PRKAG2: variants seen among roughly 807,000 people sequenced by gnomAD.
PRKAG2 encodes the protein protein kinase AMP-activated non-catalytic subunit gamma 2.
In PRKAG2, 26 loss-of-function variants were observed where a neutral mutation model predicts 69.6. That is an observed-to-expected ratio of 0.37 (90% CI 0.27 to 0.52). PRKAG2 has a LOEUF of 0.52. Among genes scored for constraint, PRKAG2 ranks in the 20% least tolerant of loss-of-function variants. The probability of loss-of-function intolerance (pLI) is 0.90; values close to 1 mark genes in which losing one functional copy is unlikely to be tolerated. For synonymous variants in PRKAG2, 293 were observed against 285.0 expected (o/e 1.03, Z -0.28); for missense variants, 557 against 740.0 (o/e 0.75, Z 2.87).
chr7:151,763,077 C>G (rs2151761385), intron 3 of PRKAG2, among the ~76,000 whole-genome samples: 1 of 152,332 alleles, frequency 6.6e-6, no homozygotes, highest in Admixed American at 6.5e-5. Context: ...ACGTGCTTCT[C>G]CCACCTTACA....
Position 151,751,219 on chromosome 7 carries a change from T to C in PRKAG2, c.466+29933A>G, listed in dbSNP as rs148361683. Among the ~76,000 whole-genome samples the C allele has an allele frequency of 2.5e-3, 372 of 151,216 alleles. 1 individual carries two copies. Among genetic ancestry groups the C allele is most frequent in the African/African-American group, 8.6e-3 (356 of 41,294 alleles). On this transcript the variant is annotated intron_variant, in intron 3 of 15. Coordinates refer to ENST00000287878, the MANE Select transcript of PRKAG2 (RefSeq NM_016203.4). ...TTCATGCTATTCTCCTGCCTCAGCC[T>C]CCCAAGTAGCTGGGACTACAGGTGC...
chr7:151,568,568 G>A, intron 11 of PRKAG2, 148 bp downstream of exon 11: 1 of 773,964 alleles, frequency 1.3e-6, no homozygotes, highest in South Asian at 1.6e-5. Context: ...AATTCAGAGA[G>A]TAGTAAGTTG....
chr7:151,710,478 G>A (rs982773468), intron 3 of PRKAG2, among the ~76,000 whole-genome samples: 7 of 152,184 alleles, frequency 4.6e-5, no homozygotes, highest in African/African-American at 1.7e-4. Flanking sequence ...TCCTCTGCTC[G>A]AAGCTCTGCG....
rs144877559 is a variant in PRKAG2 at position 151,731,041 on chromosome 7, C to T, written c.466+50111G>A. ...TGGCCTCAGAAATGAGCCCTTAAGACGCTAAATGGTTTTTATTTAATTACT... is the reference window on the plus strand; with the variant it reads ...TGGCCTCAGAAATGAGCCCTTAAGATGCTAAATGGTTTTTATTTAATTACT... On this transcript the variant is annotated intron_variant, in intron 3 of 15. Transcript: ENST00000287878. Among the ~76,000 whole-genome samples, 362 of 152,276 alleles carry T rather than the reference C, an allele frequency of 2.4e-3. 3 individuals carry two copies. Among genetic ancestry groups the T allele is most frequent in the African/African-American group, 8.3e-3 (343 of 41,532 alleles).
chr7:151,621,078 A>G (rs1052267124), intron 5 of PRKAG2, among the ~76,000 whole-genome samples: 41 of 152,316 alleles, frequency 2.7e-4, no homozygotes, highest in Admixed American at 5.9e-4. Flanking sequence ...CTTGACCACA[A>G]TATATTCGGC....
chr7:151,809,301 G>T, intron 1 of PRKAG2: 1 of 456,148 alleles, frequency 2.2e-6, no homozygotes, highest in South Asian at 1.6e-5. Flanking sequence ...CCCCGAGACG[G>T]GTGCAGAATC....
At chr7:151,628,955 A>G (rs1443267118) in intron 5 of PRKAG2, among the ~76,000 whole-genome samples, 2 of 152,156 alleles carry the variant, frequency 1.3e-5, no homozygotes, top group Non-Finnish European at 2.9e-5. Context: ...TTGAAGTCTT[A>G]CTAAGATCGG....
chr7:151,653,708 G>A (rs1347699840), intron 4 of PRKAG2, among the ~76,000 whole-genome samples: 1 of 152,154 alleles, frequency 6.6e-6, no homozygotes, highest in African/African-American at 2.4e-5. Context: ...CAAGCATGGT[G>A]ACGGATGCCT....
intron 4 of PRKAG2, among the ~76,000 whole-genome samples, chr7:151,672,953 C>T (rs1426807718): frequency 6.6e-6 from 1 of 152,130 alleles, no homozygotes; most frequent in Non-Finnish European, 1.5e-5. Flanking sequence ...CCTGGAAGGA[C>T]CTATACTTGT....
rs1320039614 is a variant in PRKAG2, at chr7:151,567,033, G to A, written c.1234-1148C>T. On this transcript the variant is annotated intron_variant, in intron 11 of 15. Coordinates refer to ENST00000287878, the MANE Select transcript of PRKAG2 (RefSeq NM_016203.4). This position sits in a 1 kb window ranked among gnomAD's most constrained non-coding sequence, Gnocchi z 4.2. ...GAAGATAAAAATCTGAAGCAGCTCTGCAAAAGAATGATCTCACGCTTTTAC... is the reference window on the plus strand; with the variant it reads ...GAAGATAAAAATCTGAAGCAGCTCTACAAAAGAATGATCTCACGCTTTTAC... Among the ~76,000 whole-genome samples, 2 of 152,202 alleles carry A rather than the reference G, an allele frequency of 1.3e-5. No individual in the cohort carries two copies. The highest frequency in any genetic ancestry group is 4.8e-5 in the African/African-American group (2 of 41,458).
At chr7:151,813,552 C>T (rs1245414967) in intron 1 of PRKAG2, among the ~76,000 whole-genome samples, 1 of 151,506 alleles carries the variant, frequency 6.6e-6, no homozygotes, top group African/African-American at 2.4e-5. Context: ...CACAGAAGGG[C>T]GACAAGAGGG....
At chr7:151,795,575 A>ATACCAAGCAGGTGGCTGCCGTGGGCGTAT (rs2077456253) in intron 1 of PRKAG2, among the ~76,000 whole-genome samples, 1 of 152,172 alleles carries the variant, frequency 6.6e-6, no homozygotes, top group Non-Finnish European at 1.5e-5. Flanking sequence ...ATTCAATCAA[A>ATACCAAGCAGGTGGCTGCCGTGGGCGTAT]TACCAAGCAG....
In PRKAG2 at chr7:151,572,937, A is replaced by C. The variant is rs113731249; in HGVS notation, c.1006-228T>G. Among the ~76,000 whole-genome samples the C allele has an allele frequency of 0.15, 22,139 of 151,866 alleles. 1,733 individuals are homozygous for C. Among genetic ancestry groups the C allele is most frequent in the African/African-American group, 0.18 (7,465 of 41,396 alleles). ...AGACCAGCCTGGCCAACATGGTGAG[A>C]CCTCATCTGTACTAAAAATACAAAA... On this transcript the variant is annotated intron_variant, in intron 8 of 15. Coordinates refer to ENST00000287878, the MANE Select transcript of PRKAG2 (RefSeq NM_016203.4).
At chr7:151,697,448 G>A (rs1400362510) in intron 3 of PRKAG2, among the ~76,000 whole-genome samples, 1 of 152,118 alleles carries the variant, frequency 6.6e-6, no homozygotes, top group South Asian at 2.1e-4. Flanking sequence ...ACAGCAGGAG[G>A]AGCTTGAACT....
In PRKAG2 at chr7:151,621,980, C is replaced by G. The variant is rs114996385; in HGVS notation, c.754+10089G>C. ...TTTCTCCCATTTTTTCCTGAACAGA[C>G]TTGACAAAGGTTTATCCACTTTACT... On this transcript the variant is annotated intron_variant, in intron 5 of 15. Coordinates refer to ENST00000287878, the MANE Select transcript of PRKAG2 (RefSeq NM_016203.4). Among the ~76,000 whole-genome samples the G allele has an allele frequency of 3.5e-3, 540 of 152,258 alleles. 2 individuals carry two copies. Among genetic ancestry groups the G allele is most frequent in the African/African-American group, 0.012 (513 of 41,548 alleles).
At chr7:151,837,009 C>T (rs971450776) in intron 1 of PRKAG2, among the ~76,000 whole-genome samples, 4 of 152,200 alleles carry the variant, frequency 2.6e-5, no homozygotes, top group Non-Finnish European at 5.9e-5. Context: ...ACTTGAACCC[C>T]GGTTACCTCC....
chr7:151,785,538 T>C (rs1042457390), intron 2 of PRKAG2, among the ~76,000 whole-genome samples: 1 of 152,196 alleles, frequency 6.6e-6, no homozygotes. Flanking sequence ...CCAATTTGAT[T>C]CAGTTGTGTG....
chr7:151,809,241 C>G (rs1387727220), intron 1 of PRKAG2: 1 of 456,702 alleles, frequency 2.2e-6, no homozygotes, highest in East Asian at 7.0e-5. Flanking sequence ...ATTCTGCTTT[C>G]AAAACAGGTG....
intron 5 of PRKAG2, among the ~76,000 whole-genome samples, chr7:151,598,645 C>T (rs1815229414): frequency 6.6e-6 from 1 of 151,616 alleles, no homozygotes; most frequent in Non-Finnish European, 1.5e-5. Context: ...AAAAAAAAGG[C>T]TACTATATTT....
Sources: gnomAD v4.1 joint callset for allele counts (sites outside exome capture counted in the v4.1 genomes callset) on GRCh38, gnomAD v4.1.1 for gene constraint, Gnocchi (gnomAD v3.1) non-coding constraint, MANE v1.5 for transcripts, NCBI Gene and HGNC (gene_info 2026-07-23, HGNC 2026-07-21) for gene names.